The following PVT1 variants were observed in gnomAD, a reference collection of about 807,000 sequenced individuals.
The protein encoded by PVT1 is CXCR4/PVT1 fusion.
intron 4 of PVT1, among the ~76,000 whole-genome samples, chr8:128,025,149 A>G (rs1817478803): frequency 6.6e-6 from 1 of 152,232 alleles, no homozygotes; most frequent in Non-Finnish European, 1.5e-5. Flanking sequence ...GGCGCAGGCC[A>G]GGCAGGAGCC....
At chr8:128,016,030 G>A (rs976644337) in intron 4 of PVT1, among the ~76,000 whole-genome samples, 2 of 152,082 alleles carry the variant, frequency 1.3e-5, no homozygotes, top group African/African-American at 4.8e-5. Context: ...AAGGGGGATG[G>A]TCTTTGGGAA....
At chr8:128,034,371 A>G (rs980356867) in intron 4 of PVT1, among the ~76,000 whole-genome samples, 6 of 152,132 alleles carry the variant, frequency 3.9e-5, no homozygotes, top group African/African-American at 1.4e-4. Context: ...GAAGAAACCC[A>G]TTTCCCTCAA....
intron 2 of PVT1, among the ~76,000 whole-genome samples, chr8:127,837,795 T>C (rs1252825954): frequency 3.3e-5 from 5 of 152,176 alleles, no homozygotes; most frequent in Non-Finnish European, 7.3e-5. Flanking sequence ...TCATACTCTT[T>C]TGTGTTGTCA....
At chr8:127,868,803 G>GTATC (rs1440189326) in intron 2 of PVT1, among the ~76,000 whole-genome samples, 1 of 54,626 alleles carries the variant, frequency 1.8e-5, no homozygotes, top group Non-Finnish European at 3.3e-5. Context: ...ACATATATAT[G>GTATC]TACATATATA....
chr8:128,012,891 G>A (rs1017131834), intron 4 of PVT1, among the ~76,000 whole-genome samples: 2 of 152,096 alleles, frequency 1.3e-5, no homozygotes, highest in African/African-American at 2.4e-5. Flanking sequence ...CTGGGCTTTG[G>A]TGTTTTAAAA....
intron 3 of PVT1, among the ~76,000 whole-genome samples, chr8:127,980,448 C>T (rs944567918): frequency 2.0e-5 from 3 of 152,150 alleles, no homozygotes; most frequent in Non-Finnish European, 4.4e-5. Flanking sequence ...ACTTCCTGGA[C>T]GATGGGCTCT....
chr8:128,073,644 G>A (rs145161846), intron 5 of PVT1, among the ~76,000 whole-genome samples: 9 of 151,786 alleles, frequency 5.9e-5, no homozygotes, highest in South Asian at 2.1e-4. Flanking sequence ...CTCCTCATGC[G>A]CCAACCCATT....
At chr8:127,900,302 A>G (rs1188359197) in intron 3 of PVT1, among the ~76,000 whole-genome samples, 11 of 151,986 alleles carry the variant, frequency 7.2e-5, no homozygotes, top group Non-Finnish European at 1.5e-5. Context: ...CGGCCTCCCA[A>G]AGTGCTGGGA....
At chr8:127,938,411 T>C (rs1816305752) in intron 3 of PVT1, among the ~76,000 whole-genome samples, 1 of 152,292 alleles carries the variant, frequency 6.6e-6, no homozygotes, top group Middle Eastern at 3.4e-3. Flanking sequence ...GTCCACGGCA[T>C]GTTCCTCAAG....
At chr8:127,893,343 C>G (rs934344644) in intron 3 of PVT1, among the ~76,000 whole-genome samples, 2 of 152,118 alleles carry the variant, frequency 1.3e-5, no homozygotes, top group African/African-American at 4.8e-5. Flanking sequence ...GTGGCGCAAT[C>G]TCGGCTCACT....
In PVT1 at chr8:127,815,892, A is replaced by C. The variant is rs1040337574; in HGVS notation, n.372+19821A>C. Among the ~76,000 whole-genome samples the C allele has an allele frequency of 3.9e-5, 6 of 152,274 alleles. No homozygotes were observed. The South Asian group carries it at 8.3e-4, about 21-fold the overall frequency. On this transcript the variant is annotated intron_variant and non_coding_transcript_variant, in intron 2 of 10. Transcript: ENST00000651587. ...TGTAATTCCAGCACTTTGGGAGGCC[A>C]AGGTGGGCAGATAATGAGTTCAGGA...
chr8:128,085,174 G>C (rs1178164177), intron 5 of PVT1, among the ~76,000 whole-genome samples: 1 of 152,098 alleles, frequency 6.6e-6, no homozygotes, highest in African/African-American at 2.4e-5. Flanking sequence ...CCTGGTGGGT[G>C]CTCTTGTTTG....
intron 2 of PVT1, among the ~76,000 whole-genome samples, chr8:127,887,935 T>G (rs1486709472): frequency 2.5e-5 from 3 of 120,010 alleles, no homozygotes; most frequent in African/African-American, 9.7e-5. Flanking sequence ...TATCTTGTTT[T>G]TTTTTTTTTT....
chr8:128,099,193 C>T (rs1461332216), intron 6 of PVT1, among the ~76,000 whole-genome samples: 3 of 152,208 alleles, frequency 2.0e-5, no homozygotes, highest in South Asian at 2.1e-4. Context: ...ATGCGGGTCA[C>T]GTGATCACAC....
At chr8:127,847,250 A>C (rs2129726603) in intron 2 of PVT1, among the ~76,000 whole-genome samples, 1 of 152,238 alleles carries the variant, frequency 6.6e-6, no homozygotes, top group East Asian at 1.9e-4. Context: ...ACACTTTGAT[A>C]AGTTGCTCTA....
At chr8:127,797,657 A>T (rs540625546) in intron 2 of PVT1, among the ~76,000 whole-genome samples, 20 of 152,222 alleles carry the variant, frequency 1.3e-4, no homozygotes, top group Admixed American at 2.6e-4. Flanking sequence ...AATAATAAGA[A>T]CAATAATAGT....
chr8:127,804,468 GGC>G (rs531737904), intron 2 of PVT1, among the ~76,000 whole-genome samples: 132 of 151,858 alleles, frequency 8.7e-4, no homozygotes, highest in Admixed American at 2.7e-3. Flanking sequence ...ACTGTGCCCA[GGC>G]TGTGGTTTTT....
intron 4 of PVT1, among the ~76,000 whole-genome samples, chr8:128,060,859 G>T (rs1051000032): frequency 6.7e-6 from 1 of 150,076 alleles, no homozygotes; most frequent in African/African-American, 2.5e-5. Flanking sequence ...GTTCCCTTTA[G>T]ATATCACCTC....
intron 3 of PVT1, chr8:127,939,384 G>A (rs56737663): frequency 0.023 from 3,548 of 152,626 alleles, 133 homozygotes; most frequent in African/African-American, 0.081. Flanking sequence ...GAGAAAAGCC[G>A]CGTTAGGCAG....
Sources: allele counts gnomAD v4.1 joint callset (sites outside exome capture counted in the v4.1 genomes callset), GRCh38; gene constraint gnomAD v4.1.1; transcripts MANE v1.5; gene names NCBI Gene and HGNC (gene_info 2026-07-23, HGNC 2026-07-21).